Variants in SMARCAD1 observed in about 807,000 individuals in gnomAD.
SMARCAD1 encodes the protein SNF2 related chromatin remodeling ATPase with DExD box 1, also known as SWI/SNF-related matrix-associated actin-dependent regulator of chromatin subfamily A containing DEAD/H box 1.
SMARCAD1 carries 25 observed loss-of-function variants against 127.1 expected under a neutral mutation model. The ratio of observed to expected loss-of-function variants is 0.20; its 90% CI spans 0.14 to 0.27. The LOEUF is 0.27. Ranked by LOEUF, SMARCAD1 falls within the 10% of genes least tolerant of loss-of-function variation. SMARCAD1 has a pLI of 1.00. For synonymous variants in SMARCAD1, 400 were observed against 396.9 expected (o/e 1.01, Z -0.09); for missense variants, 807 against 1,206.0 (o/e 0.67, Z 4.90).
At chr4:94,286,948 T>A (rs953260409) in intron 23 of SMARCAD1, among the ~76,000 whole-genome samples, 15 of 152,164 alleles carry the variant, frequency 9.9e-5, no homozygotes, top group African/African-American at 3.6e-4. Flanking sequence ...CACTGCAAGC[T>A]CCGCCTCCCG....
chr4:94,254,711 G>T (rs1213159060), intron 9 of SMARCAD1, among the ~76,000 whole-genome samples: 1 of 152,078 alleles, frequency 6.6e-6, no homozygotes, highest in Non-Finnish European at 1.5e-5. Flanking sequence ...TTATGTAACA[G>T]TCTAAATGTA....
intron 5 of SMARCAD1, among the ~76,000 whole-genome samples, chr4:94,238,613 A>AAAAG (rs564244248): frequency 0.028 from 4,286 of 151,858 alleles, 83 homozygotes; most frequent in African/African-American, 0.057. Flanking sequence ...ACCCTGTCTC[A>AAAAG]AAAGAAAGAA....
chr4:94,282,834 A>G (rs1754302624), intron 21 of SMARCAD1, among the ~76,000 whole-genome samples: 1 of 152,166 alleles, frequency 6.6e-6, no homozygotes. Context: ...CATACACAGA[A>G]TTTAGCTAAG....
chr4:94,208,638 A>G (rs1363223435), intron 2 of SMARCAD1, 54 bp downstream of exon 2: 3 of 1,511,556 alleles, frequency 2.0e-6, no homozygotes, highest in Non-Finnish European at 2.8e-6. Flanking sequence ...TTAAAAGATG[A>G]AAGGCAGAAG....
rs187053047 is a variant in SMARCAD1, at chr4:94,276,505, T to A, written c.1944+31T>A. 1.4e-3 allele frequency: 2,274 copies of A among 1,611,974 alleles called. 22 individuals are homozygous for A. The African/African-American group carries it at 0.026, about 19-fold the overall frequency. ...AGAATGTTTGTAAAGTTTTCCAAAT[T>A]ACTGTAAAATTTAGATTACGTAATT... On this transcript the variant is annotated intron_variant, in intron 15 of 23. Transcript: ENST00000354268.
intron 16 of SMARCAD1, among the ~76,000 whole-genome samples, chr4:94,277,778 C>T (rs1753507775): frequency 6.6e-6 from 1 of 152,186 alleles, no homozygotes. Context: ...CTGTGATACT[C>T]GTCCACTGCA....
intron 2 of SMARCAD1, among the ~76,000 whole-genome samples, chr4:94,216,538 C>T (rs1743225093): frequency 6.6e-6 from 1 of 152,156 alleles, no homozygotes. Context: ...AATACATATA[C>T]ATTGTCATGC....
chr4:94,234,616 A>T (rs1440607805), intron 4 of SMARCAD1, among the ~76,000 whole-genome samples: 2 of 152,240 alleles, frequency 1.3e-5, no homozygotes, highest in African/African-American at 4.8e-5. Context: ...GTTGAAATGT[A>T]AAGTGATGTT....
chr4:94,227,892 G>C (rs1745264783), intron 3 of SMARCAD1, among the ~76,000 whole-genome samples: 1 of 152,172 alleles, frequency 6.6e-6, no homozygotes, highest in African/African-American at 2.4e-5. Flanking sequence ...CACTAGTATA[G>C]TATAGCTGAA....
chr4:94,240,688 T>G (rs570968327), intron 5 of SMARCAD1, among the ~76,000 whole-genome samples: 21 of 152,332 alleles, frequency 1.4e-4, no homozygotes, highest in African/African-American at 5.1e-4. Flanking sequence ...ATGTGATGGT[T>G]TATGAATATA....
intron 23 of SMARCAD1, among the ~76,000 whole-genome samples, chr4:94,285,731 G>C (rs891222281): frequency 5.3e-5 from 8 of 152,274 alleles, no homozygotes; most frequent in African/African-American, 1.9e-4. Flanking sequence ...ATTTATTTCA[G>C]GGTGCTGTGG....
At chr4:94,226,899 T>C (rs1368972032) in intron 3 of SMARCAD1, among the ~76,000 whole-genome samples, 1 of 151,884 alleles carries the variant, frequency 6.6e-6, no homozygotes, top group Non-Finnish European at 1.5e-5. Context: ...AGGTGGGGTC[T>C]TGCTATGTTG....
At chr4:94,274,692 A>G in intron 12 of SMARCAD1, 46 bp from the exon 13 acceptor site, 2 of 1,521,868 alleles carry the variant, frequency 1.3e-6, no homozygotes, top group African/African-American at 2.7e-5. Context: ...CCATGTGAAC[A>G]TACCCTATTG....
intron 9 of SMARCAD1, among the ~76,000 whole-genome samples, chr4:94,257,272 TGAAAAA>T (rs1231073154): frequency 6.6e-6 from 1 of 152,148 alleles, no homozygotes; most frequent in Admixed American, 6.5e-5. Context: ...TGTGCAGAAA[TGAAAAA>T]GTAAAGTTTA....
chr4:94,288,204 CAG>C lies in SMARCAD1; in HGVS notation c.3020-1268_3020-1267del, dbSNP rs139869197. 9.1e-3 allele frequency among the ~76,000 whole-genome samples: 1,382 copies of C among 152,090 alleles called. 24 individuals carry two copies. Among genetic ancestry groups the C allele is most frequent in the African/African-American group, 0.031 (1,285 of 41,484 alleles). On this transcript the variant is annotated intron_variant, in intron 23 of 23. Transcript: ENST00000354268. ...CCATTGTAGCATCTAAGAAAATAAA[CAG>C]TAATTTTCAGACATTATCATATATT... is the stretch of plus-strand genomic sequence containing the variant.
intron 19 of SMARCAD1, among the ~76,000 whole-genome samples, chr4:94,279,693 A>C (rs960153385): frequency 1.3e-5 from 2 of 152,154 alleles, no homozygotes; most frequent in African/African-American, 2.4e-5. Context: ...CTGGCCCTTT[A>C]CAGGAACAGT....
intron 19 of SMARCAD1, among the ~76,000 whole-genome samples, chr4:94,279,770 C>A (rs1042158082): frequency 4.6e-5 from 7 of 152,086 alleles, no homozygotes; most frequent in Non-Finnish European, 1.0e-4. Flanking sequence ...ATAATTTTAG[C>A]AATTACTCTT....
At chr4:94,265,822 CT>C (rs1441043531) in intron 10 of SMARCAD1, among the ~76,000 whole-genome samples, 1 of 151,960 alleles carries the variant, frequency 6.6e-6, no homozygotes, top group Non-Finnish European at 1.5e-5. Flanking sequence ...TGTTACACAA[CT>C]TTCAAAATGA....
At position 94,274,887 on chromosome 4, in the gene SMARCAD1, T is replaced by A; in HGVS notation, c.1733-3T>A. On this transcript the variant is annotated splice_region_variant and splice_polypyrimidine_tract_variant and intron_variant, in intron 13 of 23. Transcript: ENST00000354268. ...TCATGTGTTTATTGTTTTTAAATTC[T>A]AGGTTCTCAAGAAGAACGTAAACAA... 1 of 1,603,866 alleles carries A rather than the reference T, an allele frequency of 6.2e-7. No individual in the cohort carries two copies. Among genetic ancestry groups the A allele is most frequent in the South Asian group, 1.1e-5 (1 of 90,838 alleles).
Sources: gnomAD v4.1 joint callset for allele counts (sites outside exome capture counted in the v4.1 genomes callset) on GRCh38, gnomAD v4.1.1 for gene constraint, MANE v1.5 for transcripts, NCBI Gene and HGNC (gene_info 2026-07-23, HGNC 2026-07-21) for gene names.